TRANK1: variants seen among roughly 807,000 people sequenced by gnomAD.
The protein encoded by TRANK1 is tetratricopeptide repeat and ankyrin repeat containing 1, also known as TPR and ankyrin repeat-containing protein 1.
TRANK1 carries 198 observed loss-of-function variants against 266.0 expected under a neutral mutation model. That is an observed-to-expected ratio of 0.74 (90% CI 0.66 to 0.84). TRANK1 has a LOEUF of 0.84. TRANK1 is among the 40% of genes least tolerant of loss of function. The probability of loss-of-function intolerance (pLI) is 0.00; values close to 1 mark genes in which losing one functional copy is unlikely to be tolerated. For synonymous variants in TRANK1, 1,396 were observed against 1,384.1 expected, an observed-to-expected ratio of 1.01 and a Z score of -0.19; for missense variants, 3,326 against 3,634.6, an observed-to-expected ratio of 0.92 and a Z score of 2.18.
chr3:36,858,671 C>G, intron 12 of TRANK1, 47 bp downstream of exon 12: 1 of 1,443,900 alleles, frequency 6.9e-7, no homozygotes, highest in Admixed American at 2.6e-5. Flanking sequence ...GTTCTAATAT[C>G]CAGCTTCCTC....
At chr3:36,865,606 T>A in intron 9 of TRANK1, among the ~76,000 whole-genome samples, 1 of 152,060 alleles carries the variant, frequency 6.6e-6, no homozygotes, top group Non-Finnish European at 1.5e-5. Context: ...GTGCGGTGGC[T>A]CACTCCTGTA....
intron 15 of TRANK1, among the ~76,000 whole-genome samples, chr3:36,847,836 C>T (rs1263519980): frequency 1.3e-5 from 2 of 152,188 alleles, no homozygotes; most frequent in East Asian, 1.9e-4. Context: ...AAATTTGTAT[C>T]TCAGTTCTTC....
intron 3 of TRANK1, among the ~76,000 whole-genome samples, chr3:36,902,032 T>C (rs915729347): frequency 6.6e-6 from 1 of 152,206 alleles, no homozygotes; most frequent in Non-Finnish European, 1.5e-5. Context: ...GTATCCAATC[T>C]TTTGGCTTCC....
intron 8 of TRANK1, chr3:36,880,589 C>A: frequency 5.0e-6 from 1 of 198,124 alleles, no homozygotes; most frequent in Non-Finnish European, 1.1e-5. Flanking sequence ...CTGTAAATCC[C>A]TTCCACTTGA....
chr3:36,847,848 A>G (rs573925187), intron 15 of TRANK1, among the ~76,000 whole-genome samples: 20 of 152,340 alleles, frequency 1.3e-4, no homozygotes, highest in Admixed American at 1.1e-3. Flanking sequence ...CAGTTCTTCC[A>G]TTTATTAATT....
At chr3:36,919,756 C>CA (rs2080189001) in intron 1 of TRANK1, among the ~76,000 whole-genome samples, 1 of 152,200 alleles carries the variant, frequency 6.6e-6, no homozygotes, top group Admixed American at 6.5e-5. Flanking sequence ...AAACTGCCAA[C>CA]ATTTGTCAAT....
chr3:36,897,794 C>T (rs1021667819), intron 4 of TRANK1, among the ~76,000 whole-genome samples: 4 of 152,132 alleles, frequency 2.6e-5, no homozygotes, highest in Non-Finnish European at 5.9e-5. Flanking sequence ...GATCAAACAC[C>T]GTATTTAAAA....
intron 1 of TRANK1, among the ~76,000 whole-genome samples, chr3:36,924,257 G>C (rs1315172385): frequency 2.0e-5 from 3 of 152,142 alleles, no homozygotes; most frequent in Non-Finnish European, 4.4e-5. Flanking sequence ...GCAGCCAAGT[G>C]CTCTTTTCTA....
intron 2 of TRANK1, among the ~76,000 whole-genome samples, chr3:36,907,285 G>C (rs1002994861): frequency 1.3e-5 from 2 of 152,014 alleles, no homozygotes; most frequent in Non-Finnish European, 2.9e-5. Context: ...CAAGTAGCTG[G>C]GATTACAGGC....
chr3:36,939,300 C>T (rs934798598), intron 1 of TRANK1, among the ~76,000 whole-genome samples: 1 of 151,242 alleles, frequency 6.6e-6, no homozygotes, highest in Non-Finnish European at 1.5e-5. Context: ...CACACACACG[C>T]CTCTACTTAC....
At chr3:36,907,665 C>A (rs546698539) in intron 2 of TRANK1, among the ~76,000 whole-genome samples, 2 of 150,696 alleles carry the variant, frequency 1.3e-5, no homozygotes, top group South Asian at 4.2e-4. Flanking sequence ...GGGGTTTCAC[C>A]CTGTTAGCCA....
chr3:36,936,873 G>T (rs760683257), intron 1 of TRANK1, among the ~76,000 whole-genome samples: 2 of 152,176 alleles, frequency 1.3e-5, no homozygotes, highest in African/African-American at 4.8e-5. Flanking sequence ...AGACTGAGGC[G>T]GGTGGATCAC....
At chr3:36,845,353 T>C (rs1023881811) in intron 17 of TRANK1, among the ~76,000 whole-genome samples, 1 of 152,202 alleles carries the variant, frequency 6.6e-6, no homozygotes, top group African/African-American at 2.4e-5. Context: ...GTTCTTACTG[T>C]CTGAACTCTT....
intron 15 of TRANK1, among the ~76,000 whole-genome samples, chr3:36,849,382 C>A (rs2078958236): frequency 6.6e-6 from 1 of 152,172 alleles, no homozygotes; most frequent in South Asian, 2.1e-4. Context: ...TTTGGGGTAG[C>A]CATTCTGTGG....
intron 1 of TRANK1, among the ~76,000 whole-genome samples, chr3:36,941,898 C>G (rs2080501543): frequency 1.3e-5 from 2 of 152,196 alleles, no homozygotes; most frequent in South Asian, 4.1e-4. Flanking sequence ...GGGCAAAGCA[C>G]TGACATGTCA....
Position 36,856,229 on chromosome 3 carries a change from C to T in TRANK1, c.3493G>A (p.Ala1165Thr). ...EQEYEACAGG[A>T]GVEPAGDGQA... The stretch of plus-strand genomic sequence containing the variant: ...CCGTCCCCTGCTGGCTCCACACCGG[C>T]TCCTCCTGCGCAGGCTTCATACTCC... Residue 1165 changes from alanine to threonine, a missense_variant, in exon 13 of 24, where the codon GCC (alanine) becomes ACC (threonine). By Grantham distance (58) the Ala-to-Thr change is moderately conservative. Coordinates refer to ENST00000645898, the MANE Select transcript of TRANK1 (RefSeq NM_001329998.2). The T allele has an allele frequency of 4.3e-6, 7 of 1,613,726 alleles. No homozygotes were observed. Among genetic ancestry groups the T allele is most frequent in the Non-Finnish European group, 5.9e-6 (7 of 1,179,738 alleles).
At chr3:36,875,186 G>A (rs946680236) in intron 8 of TRANK1, among the ~76,000 whole-genome samples, 1 of 152,112 alleles carries the variant, frequency 6.6e-6, no homozygotes, top group Non-Finnish European at 1.5e-5. Flanking sequence ...TGAAACAAAG[G>A]TCCCAAATCA....
chr3:36,899,372 T>C, intron 3 of TRANK1, 113 bp from the exon 4 acceptor site: 4 of 1,220,526 alleles, frequency 3.3e-6, no homozygotes, highest in African/African-American at 1.5e-5. Context: ...GTCTGACTTC[T>C]GGCTGGGCAC....
At chr3:36,873,956 TA>T (rs373590008) in intron 9 of TRANK1, among the ~76,000 whole-genome samples, 169 bp downstream of exon 9, 11,613 of 126,710 alleles carry the variant, frequency 0.092, 525 homozygotes, top group Admixed American at 0.17. Context: ...ATTCTACCTT[TA>T]AAAAAAAAAA....
Sources: gnomAD v4.1 joint callset for allele counts (sites outside exome capture counted in the v4.1 genomes callset) on GRCh38, gnomAD v4.1.1 for gene constraint, MANE v1.5 for transcripts, NCBI Gene and HGNC (gene_info 2026-07-23, HGNC 2026-07-21) for gene names.